Variants in PARD3 observed in about 807,000 individuals in gnomAD.
PARD3 encodes partitioning defective 3 homolog.
In PARD3, 75 loss-of-function variants were observed where a neutral mutation model predicts 155.4. The observed-to-expected ratio is 0.48, with a 90% CI of 0.40 to 0.58. The LOEUF (loss-of-function observed/expected upper bound fraction) is 0.58, where lower values mean the gene tolerates loss of function less well. PARD3 is among the 20% of genes least tolerant of loss of function. The probability of loss-of-function intolerance (pLI) is 0.00; values close to 1 mark genes in which losing one functional copy is unlikely to be tolerated. For missense variants in PARD3, 1,642 were observed against 1,721.7 expected (o/e 0.95, Z 0.82); for synonymous variants, 576 against 610.5 (o/e 0.94, Z 0.83).
intron 19 of PARD3, among the ~76,000 whole-genome samples, chr10:34,327,132 T>C (rs1407902042): frequency 6.6e-6 from 1 of 152,130 alleles, no homozygotes; most frequent in African/African-American, 2.4e-5. Context: ...TGATTTATCA[T>C]GGGGAGGAGA....
chr10:34,703,716 T>C (rs1004180482), intron 1 of PARD3, among the ~76,000 whole-genome samples: 3 of 151,728 alleles, frequency 2.0e-5, no homozygotes, highest in African/African-American at 4.8e-5. Flanking sequence ...AAACAGAAGA[T>C]TGGTGGGGGG....
At chr10:34,681,569 T>C (rs1485254537) in intron 2 of PARD3, among the ~76,000 whole-genome samples, 1 of 150,492 alleles carries the variant, frequency 6.6e-6, no homozygotes, top group Non-Finnish European at 1.5e-5. Context: ...ACATACCTTA[T>C]AGAACATGGA....
chr10:34,710,560 T>G (rs993222790), intron 1 of PARD3, among the ~76,000 whole-genome samples: 2 of 152,206 alleles, frequency 1.3e-5, no homozygotes, highest in African/African-American at 4.8e-5. Flanking sequence ...GACTGTCCTG[T>G]AATATGAGTC....
chr10:34,194,084 G>A (rs1950834047), intron 22 of PARD3, among the ~76,000 whole-genome samples: 1 of 152,112 alleles, frequency 6.6e-6, no homozygotes, highest in Non-Finnish European at 1.5e-5. Context: ...CCCCACCCAA[G>A]CTTCATAAAT....
chr10:34,689,236 A>G (rs1158939413), intron 2 of PARD3, among the ~76,000 whole-genome samples: 2 of 152,224 alleles, frequency 1.3e-5, no homozygotes, highest in South Asian at 2.1e-4. Flanking sequence ...CTCCAGAATG[A>G]TTAAATCAGG....
chr10:34,729,844 C>T (rs994534594), intron 1 of PARD3, among the ~76,000 whole-genome samples: 2 of 152,192 alleles, frequency 1.3e-5, no homozygotes, highest in Admixed American at 6.5e-5. Flanking sequence ...CTGTTGTGTA[C>T]GCATCTGTGA....
At chr10:34,239,101 T>C (rs1223745100) in intron 22 of PARD3, among the ~76,000 whole-genome samples, 1 of 152,252 alleles carries the variant, frequency 6.6e-6, no homozygotes, top group Non-Finnish European at 1.5e-5. Flanking sequence ...TTTGTTTGCT[T>C]ACATGCTTGA....
At chr10:34,797,341 C>T (rs1489908203) in intron 1 of PARD3, among the ~76,000 whole-genome samples, 1 of 152,200 alleles carries the variant, frequency 6.6e-6, no homozygotes, top group Non-Finnish European at 1.5e-5. Context: ...TTTGTAGAGA[C>T]AGGGTCTCAC....
intron 22 of PARD3, among the ~76,000 whole-genome samples, chr10:34,233,226 C>T (rs1953033274): frequency 6.6e-6 from 1 of 151,828 alleles, no homozygotes; most frequent in African/African-American, 2.4e-5. Context: ...TCTTAAGCAT[C>T]TCTTAGGTCC....
intron 5 of PARD3, among the ~76,000 whole-genome samples, chr10:34,420,509 A>G (rs1261287967): frequency 2.0e-5 from 3 of 152,140 alleles, no homozygotes; most frequent in African/African-American, 7.2e-5. Context: ...CTGGAATTCA[A>G]TGCGCCTCAC....
chr10:34,740,551 A>C (rs538567510), intron 1 of PARD3, among the ~76,000 whole-genome samples: 27 of 151,988 alleles, frequency 1.8e-4, no homozygotes, highest in African/African-American at 6.5e-4. Flanking sequence ...TTCAGAGCTG[A>C]GCTGTTCTTC....
At chr10:34,359,380 T>G in intron 13 of PARD3, 63 bp from the exon 14 acceptor site, 1 of 1,193,048 alleles carries the variant, frequency 8.4e-7, no homozygotes, top group Non-Finnish European at 1.2e-6. Context: ...AAGTAGCTTT[T>G]CCTTTAGTTA....
intron 16 of PARD3, among the ~76,000 whole-genome samples, chr10:34,340,116 C>A (rs1836645359): frequency 6.6e-6 from 1 of 152,136 alleles, no homozygotes; most frequent in Non-Finnish European, 1.5e-5. Flanking sequence ...CCCCACATTC[C>A]CCACAGCAAA....
At chr10:34,443,701 G>A (rs1220982674) in intron 5 of PARD3, among the ~76,000 whole-genome samples, 2 of 152,108 alleles carry the variant, frequency 1.3e-5, no homozygotes, top group Non-Finnish European at 2.9e-5. Flanking sequence ...TGGAAATTGT[G>A]GGAGTTACAA....
chr10:34,581,234 CTTTTTTT>C (rs779658592), intron 2 of PARD3, among the ~76,000 whole-genome samples: 2 of 101,274 alleles, frequency 2.0e-5, no homozygotes, highest in East Asian at 2.8e-4. Flanking sequence ...TTTTTCTTTT[CTTTTTTT>C]TTTTTTTTTT....
At chr10:34,727,954 C>A (rs1201651384) in intron 1 of PARD3, among the ~76,000 whole-genome samples, 1 of 151,820 alleles carries the variant, frequency 6.6e-6, no homozygotes, top group Non-Finnish European at 1.5e-5. Context: ...ACATACTGGG[C>A]ACAGGCCTTT....
intron 3 of PARD3, among the ~76,000 whole-genome samples, chr10:34,480,537 C>G (rs975210641): frequency 6.6e-6 from 1 of 152,168 alleles, no homozygotes; most frequent in Non-Finnish European, 1.5e-5. Flanking sequence ...CCTCGCCCAA[C>G]CTGTTTCTAC....
chr10:34,575,499 G>A (rs1434291130), intron 2 of PARD3, among the ~76,000 whole-genome samples: 4 of 152,170 alleles, frequency 2.6e-5, no homozygotes, highest in African/African-American at 9.7e-5. Flanking sequence ...CCTTAGGATA[G>A]GGTTAGCTTC....
At position 34,301,883 on chromosome 10, in the gene PARD3, A is replaced by G. The variant is rs1002081343; in HGVS notation, c.3065+15224T>C. ...AAGTCCCCTAGAGTCTACCTGAGAA[A>G]TACATCTATATGTCTCTGTCCCTAC... On this transcript the variant is annotated intron_variant, in intron 20 of 24. Transcript: ENST00000374788. 1.1e-4 allele frequency among the ~76,000 whole-genome samples: 17 copies of G among 150,442 alleles called. No homozygotes were observed. The South Asian group carries it at 2.1e-3, about 19-fold the overall frequency.
Sources: gnomAD v4.1 joint callset for allele counts (sites outside exome capture counted in the v4.1 genomes callset) on GRCh38, gnomAD v4.1.1 for gene constraint, MANE v1.5 for transcripts, NCBI Gene and HGNC (gene_info 2026-07-23, HGNC 2026-07-21) for gene names.